The following KHDRBS1 variants were observed in gnomAD, a reference collection of about 807,000 sequenced individuals.
KHDRBS1 encodes KH RNA binding domain containing, signal transduction associated 1.
A neutral mutation model predicts 48.4 loss-of-function variants in KHDRBS1; 7 were observed. The observed-to-expected ratio is 0.14, with a 90% CI of 0.08 to 0.27. KHDRBS1 has a LOEUF of 0.27. KHDRBS1 is among the 10% of genes least tolerant of loss of function. The probability of loss-of-function intolerance (pLI) is 1.00; values close to 1 mark genes in which losing one functional copy is unlikely to be tolerated. For missense variants in KHDRBS1, 458 were observed against 601.2 expected, an observed-to-expected ratio of 0.76 and a Z score of 2.49; for synonymous variants, 241 against 235.8, an observed-to-expected ratio of 1.02 and a Z score of -0.20.
Position 32,053,464 on chromosome 1 carries a change from C to T in KHDRBS1, n.1302-6699C>T, listed in dbSNP as rs928291768. 3.3e-5 allele frequency among the ~76,000 whole-genome samples: 5 copies of T among 152,152 alleles called. No individual in the cohort carries two copies. In the South Asian group the frequency reaches 6.2e-4, roughly 19 times the overall value. ...GGAGTGCGGTGGTGTGATCATAGCT[C>T]GCTGCAGCCTTGAACTCCTGGTCTC... On this transcript the variant is annotated intron_variant and non_coding_transcript_variant, in intron 10 of 10. Transcript: ENST00000484270.
At chr1:32,040,520 C>T (rs182876496) in intron 8 of KHDRBS1, among the ~76,000 whole-genome samples, 31 of 152,304 alleles carry the variant, frequency 2.0e-4, no homozygotes, top group African/African-American at 7.2e-4. Context: ...AAGACATCAA[C>T]ACAGTCCTTG....
chr1:32,046,134 C>T (rs1176783845), downstream of KHDRBS1, among the ~76,000 whole-genome samples: 2 of 151,992 alleles, frequency 1.3e-5, no homozygotes, highest in Non-Finnish European at 2.9e-5. Flanking sequence ...TTGCCAAAAC[C>T]TGTCATCTTA....
downstream of KHDRBS1, among the ~76,000 whole-genome samples, chr1:32,044,721 T>C (rs1006338421): frequency 6.6e-6 from 1 of 152,206 alleles, no homozygotes; most frequent in Non-Finnish European, 1.5e-5. Flanking sequence ...TATGTCTTGT[T>C]TTGATGAAAA....
intron 10 of KHDRBS1, among the ~76,000 whole-genome samples, chr1:32,051,898 C>T (rs886939383): frequency 2.0e-5 from 3 of 152,138 alleles, no homozygotes; most frequent in Non-Finnish European, 4.4e-5. Flanking sequence ...GGCTCACTGT[C>T]TTCTTGATAT....
At chr1:32,033,109 G>T in intron 3 of KHDRBS1, 79 bp from the exon 4 acceptor site, 1 of 1,078,044 alleles carries the variant, frequency 9.3e-7, no homozygotes, top group Non-Finnish European at 1.4e-6. Context: ...GGTATTTCTT[G>T]CTGTTCCTTT....
chr1:32,034,875 G>A (rs997124588), intron 4 of KHDRBS1, among the ~76,000 whole-genome samples: 1 of 151,912 alleles, frequency 6.6e-6, no homozygotes, highest in African/African-American at 2.4e-5. Flanking sequence ...CAGCTAATCG[G>A]GAGGCTGGGG....
rs1290893241 is a variant in KHDRBS1 at position 32,037,881 on chromosome 1, C to G, written c.952C>G (p.Pro318Ala). 2 of 1,614,174 alleles carry G rather than the reference C, an allele frequency of 1.2e-6. No individual in the cohort carries two copies. Among genetic ancestry groups the G allele is most frequent in the South Asian group, 1.1e-5 (1 of 91,084 alleles). ...PPRGALVRGT[P>A]VRGAITRGAT... ...TCGGGGGGCTTTGGTACGTGGTACA[C>G]CAGTAAGGGGAGCCATCACCAGAGG... Residue 318 changes from proline (P) to alanine (A), a missense_variant, in exon 6 of 9, where the codon CCA becomes GCA. Around this residue, in one of 3 missense-constraint regions of KHDRBS1, gnomAD observed 171 missense variants for 228.7 expected, o/e 0.75. Coordinates refer to ENST00000327300, the MANE Select transcript of KHDRBS1 (RefSeq NM_006559.3).
intron 6 of KHDRBS1, 43 bp downstream of exon 6, chr1:32,038,079 G>A (rs773043176): frequency 5.0e-6 from 8 of 1,605,620 alleles, no homozygotes; most frequent in Admixed American, 3.3e-5. Context: ...TACCTAGAAG[G>A]CTGCTAAAGG....
At chr1:32,048,714 AT>A (rs1237494018), downstream of KHDRBS1, among the ~76,000 whole-genome samples, 3 of 152,154 alleles carry the variant, frequency 2.0e-5, no homozygotes, top group Non-Finnish European at 4.4e-5. Flanking sequence ...TTGAGATATA[AT>A]TCACATACCA....
At chr1:32,037,781 T>A (rs1639209761) in intron 5 of KHDRBS1, 54 bp from the exon 6 acceptor site, 2 of 1,582,176 alleles carry the variant, frequency 1.3e-6, no homozygotes, top group Non-Finnish European at 1.7e-6. Flanking sequence ...AATCAGAACA[T>A]AAAAGTGGCC....
At chr1:32,046,275 C>T (rs542634541), downstream of KHDRBS1, among the ~76,000 whole-genome samples, 2 of 151,674 alleles carry the variant, frequency 1.3e-5, no homozygotes, top group South Asian at 2.1e-4. Context: ...GCTGCAGTGG[C>T]GCAATCTCAG....
chr1:32,026,747 TC>T (rs1638979477), intron 1 of KHDRBS1, among the ~76,000 whole-genome samples: 2 of 152,268 alleles, frequency 1.3e-5, no homozygotes, highest in Non-Finnish European at 2.9e-5. Context: ...ATGGTAGCCC[TC>T]GGAAGCACAA....
downstream of KHDRBS1, among the ~76,000 whole-genome samples, chr1:32,047,585 T>G (rs1639372106): frequency 6.6e-6 from 1 of 152,226 alleles, no homozygotes; most frequent in African/African-American, 2.4e-5. Flanking sequence ...AGTGCCTCAT[T>G]TATCATCAAA....
intron 5 of KHDRBS1, among the ~76,000 whole-genome samples, 155 bp from the exon 6 acceptor site, chr1:32,037,680 G>A (rs543941815): frequency 6.6e-6 from 1 of 152,208 alleles, no homozygotes; most frequent in Non-Finnish European, 1.5e-5. Flanking sequence ...ATCTTGCAGT[G>A]TGGGTCCTTT....
In KHDRBS1 at chr1:32,036,910, G is replaced by C. The variant is rs1447440040; in HGVS notation, c.772G>C (p.Asp258His). The change falls in exon 5 of 9, where the codon GAT becomes CAT. Residue 258 changes from aspartate to histidine, a missense_variant and splice_region_variant. Coordinates refer to ENST00000327300, the MANE Select transcript of KHDRBS1 (RefSeq NM_006559.3). ...MEEVKKFLVP[D>H]MMDDICQEQF... ...TACTCCTTGTATCTTTCGTTCCCAGGATATGATGGATGATATCTGTCAGGA... is the reference window on the plus strand; with the variant it reads ...TACTCCTTGTATCTTTCGTTCCCAGCATATGATGGATGATATCTGTCAGGA... 6.2e-7 allele frequency: 1 copy of C among 1,612,712 alleles called. No individual in the cohort carries two copies. The highest frequency in any genetic ancestry group is 2.2e-5 in the East Asian group (1 of 44,820).
intron 1 of KHDRBS1, among the ~76,000 whole-genome samples, chr1:32,027,641 T>G (rs1325684781): frequency 6.6e-6 from 1 of 152,190 alleles, no homozygotes; most frequent in Non-Finnish European, 1.5e-5. Flanking sequence ...CAATTTTAAT[T>G]GTCAGAAAAC....
intron 1 of KHDRBS1, among the ~76,000 whole-genome samples, chr1:32,016,837 G>C (rs1024609745): frequency 6.6e-6 from 1 of 152,200 alleles, no homozygotes; most frequent in Non-Finnish European, 1.5e-5. Context: ...CAGAGCGCAG[G>C]AATCTTTTGT....
chr1:32,046,162 C>T (rs1639353602), downstream of KHDRBS1, among the ~76,000 whole-genome samples: 1 of 151,852 alleles, frequency 6.6e-6, no homozygotes, highest in African/African-American at 2.4e-5. Context: ...ACTATACTGT[C>T]CTTAATCTAG....
intron 1 of KHDRBS1, among the ~76,000 whole-genome samples, chr1:32,024,205 A>G (rs1638916347): frequency 6.6e-6 from 1 of 152,008 alleles, no homozygotes; most frequent in Non-Finnish European, 1.5e-5. Flanking sequence ...GTGAGCTGAG[A>G]TTGTGCCACT....
Sources: gnomAD v4.1 joint callset for allele counts (sites outside exome capture counted in the v4.1 genomes callset) on GRCh38, gnomAD v4.1.1 for gene constraint, gnomAD v4.1.1 regional missense constraint, MANE v1.5 for transcripts, NCBI Gene and HGNC (gene_info 2026-07-23, HGNC 2026-07-21) for gene names.